The following BUD13 variants were observed in gnomAD, a reference collection of about 807,000 sequenced individuals.
BUD13 encodes the protein BUD13 spliceosome associated protein, also known as BUD13 homolog.
BUD13 carries 47 observed loss-of-function variants against 62.5 expected under a neutral mutation model. That is an observed-to-expected ratio of 0.75 (90% CI 0.60 to 0.96). The LOEUF is 0.96. Ranked by LOEUF, BUD13 falls within the 40% of genes least tolerant of loss-of-function variation. BUD13 has a pLI of 0.00. For missense variants in BUD13, 821 were observed against 790.9 expected (o/e 1.04, Z -0.46); for synonymous variants, 293 against 280.1 (o/e 1.05, Z -0.46).
intron 6 of BUD13, 56 bp downstream of exon 6, chr11:116,759,018 T>TAAAAA: frequency 1.2e-5 from 13 of 1,082,166 alleles, no homozygotes; most frequent in South Asian, 3.0e-5. Flanking sequence ...TAAGCTAAAT[T>TAAAAA]AAAAAAAAAA....
intron 5 of BUD13, among the ~76,000 whole-genome samples, chr11:116,759,856 G>T (rs1335898066): frequency 6.6e-6 from 1 of 152,136 alleles, no homozygotes; most frequent in African/African-American, 2.4e-5. Context: ...ACCCTGCCAG[G>T]ACCAGTCTTC....
rs184652953 is a variant in BUD13, at chr11:116,769,263, A to C, written c.237+866T>G. Among the ~76,000 whole-genome samples the C allele has an allele frequency of 1.7e-3, 264 of 152,324 alleles. 1 individual carries two copies. Among genetic ancestry groups the C allele is most frequent in the Non-Finnish European group, 3.1e-3 (211 of 68,030 alleles). On this transcript the variant is annotated intron_variant, in intron 2 of 9. Coordinates refer to ENST00000260210, the MANE Select transcript of BUD13 (RefSeq NM_032725.4). ...TTCAGGATATCTCCCAACAGAATAC[A>C]AAGTATGCTACCTCCCCGGGCTCTA...
rs11216131 is a variant in BUD13 at position 116,762,864 on chromosome 11, C to A, written c.725G>T (p.Arg242Ile). The change falls in exon 4 of 10, where the codon AGA (arginine) becomes ATA (isoleucine). Residue 242 changes from arginine (R) to isoleucine (I), a missense_variant. By Grantham distance (97) the Arg-to-Ile change is moderately conservative (BLOSUM62 -3). This residue lies in a region of BUD13 where 800 missense variants were observed against 739.2 expected (regional missense o/e 1.08). Transcript: ENST00000260210. ...RHGSSDISSPRRVHNNSPDTS... is the reference protein window; with the variant it reads ...RHGSSDISSPIRVHNNSPDTS... ...GTCAGGGGAGTTGTTATGGACCCTT[C>A]TGGGGGAAGAGATATCTGAGGAACC... is the stretch of plus-strand genomic sequence containing the variant. 2.2e-3 allele frequency: 3,522 copies of A among 1,613,630 alleles called. 8 individuals carry two copies. Among genetic ancestry groups the A allele is most frequent in the Non-Finnish European group, 2.8e-3 (3,259 of 1,179,940 alleles).
intron 3 of BUD13, among the ~76,000 whole-genome samples, chr11:116,765,068 A>G (rs2187126): frequency 0.049 from 7,436 of 152,232 alleles, 256 homozygotes; most frequent in Admixed American, 0.1. Context: ...TTGCCTATAC[A>G]CCAAGTGCTC....
intron 8 of BUD13, 78 bp from the exon 9 acceptor site, chr11:116,757,305 C>T (rs954132945): frequency 1.5e-6 from 2 of 1,377,082 alleles, no homozygotes; most frequent in Non-Finnish European, 2.0e-6. Context: ...GTGGAATTTT[C>T]CTTTTTTTTT....
In BUD13 at chr11:116,772,928, G is replaced by T; in HGVS notation, c.37C>A (p.Leu13Met). 2 of 1,586,002 alleles carry T rather than the reference G, an allele frequency of 1.3e-6. No homozygotes were observed. The highest frequency in any genetic ancestry group is 8.6e-7 in the Non-Finnish European group (1 of 1,166,446). Reference protein sequence around the residue: ...AAPPLSKAEYLKRYLSGADAG... With the variant: ...AAPPLSKAEYMKRYLSGADAG... Reference sequence around the variant, plus strand: ...TCTGCCCCGGACAAGTAACGCTTCAGATACTCGGCCTTGGAAAGCGGCGGA... The same window carrying T: ...TCTGCCCCGGACAAGTAACGCTTCATATACTCGGCCTTGGAAAGCGGCGGA... The change falls in exon 1 of 10, where the codon CTG (leucine) becomes ATG (methionine). Residue 13 changes from leucine (L) to methionine (M), a missense_variant. Coordinates refer to ENST00000260210, the MANE Select transcript of BUD13 (RefSeq NM_032725.4).
chr11:116,750,604 C>T (rs2134170021), intron 9 of BUD13, among the ~76,000 whole-genome samples: 1 of 152,306 alleles, frequency 6.6e-6, no homozygotes, highest in South Asian at 2.1e-4. Context: ...TACTAACCAT[C>T]CTTACTACCA....
At chr11:116,769,280 C>T (rs934161569) in intron 2 of BUD13, among the ~76,000 whole-genome samples, 6 of 152,290 alleles carry the variant, frequency 3.9e-5, no homozygotes, top group East Asian at 3.9e-4. Flanking sequence ...GCTACCTCCC[C>T]GGGCTCTAAT....
chr11:116,762,538 C>T lies in BUD13; in HGVS notation c.1036+15G>A, dbSNP rs759134039. On this transcript the variant is annotated intron_variant, in intron 4 of 9. Transcript: ENST00000260210. ...GGGATACATACATCCCTCTCATGGACAGTCATATGCTCACCTTTGGAATCA... is the reference window on the plus strand; with the variant it reads ...GGGATACATACATCCCTCTCATGGATAGTCATATGCTCACCTTTGGAATCA... The T allele has an allele frequency of 4.5e-6, 7 of 1,566,410 alleles. No homozygotes were observed. The highest frequency in any genetic ancestry group is 6.1e-6 in the Non-Finnish European group (7 of 1,152,010).
At chr11:116,770,366 A>G in intron 1 of BUD13, 144 bp from the exon 2 acceptor site, 5 of 620,066 alleles carry the variant, frequency 8.1e-6, no homozygotes, top group Non-Finnish European at 1.3e-5. Context: ...TTCATCTCCT[A>G]CTGCTACTTC....
chr11:116,760,781 T>C lies in BUD13; in HGVS notation c.1208A>G (p.Asp403Gly). Residue 403 changes from aspartate (D) to glycine (G), a missense_variant, in exon 5 of 10, where the codon GAT (aspartate) becomes GGT (glycine). Physicochemically the swap from Asp to Gly is moderately conservative, Grantham distance 94 (BLOSUM62 -1). Around this residue, in one of 2 missense-constraint regions of BUD13, gnomAD observed 800 missense variants for 739.2 expected, o/e 1.08. Transcript: ENST00000260210. ...PRRRQRTKSS[D>G]SDLSPPRRSQ... is the part of the protein sequence containing the mutation. ...CCTTCGAGGCGGGGACAGGTCAGAA[T>C]CAGAAGATTTGGTCCTCTGTCTCCT... is the stretch of plus-strand genomic sequence containing the variant. The C allele has an allele frequency of 6.2e-7, 1 of 1,614,134 alleles. No individual in the cohort carries two copies. Among genetic ancestry groups the C allele is most frequent in the Non-Finnish European group, 8.5e-7 (1 of 1,180,020 alleles).
rs781721564 is a variant in BUD13, at chr11:116,760,894, T to C, written c.1095A>G (p.Pro365=). The C allele has an allele frequency of 5.6e-6, 9 of 1,613,988 alleles. No individual in the cohort carries two copies. Among genetic ancestry groups the C allele is most frequent in the African/African-American group, 4.0e-5 (3 of 74,894 alleles). Residue 365 remains proline, a synonymous_variant, in exon 5 of 10, where the codon CCA becomes CCG. Transcript: ENST00000260210. ...DLSSPRHKQS[P]GHQDSDSDLS... ...GATCTGAATCAGAATCCTGGTGCCC[T>C]GGACTTTGTTTATGCCGTGGAGAAG...
chr11:116,751,440 C>T (rs58928211), intron 9 of BUD13, among the ~76,000 whole-genome samples: 6,352 of 151,930 alleles, frequency 0.042, 413 homozygotes, highest in African/African-American at 0.14. Context: ...ACCAGCCTGG[C>T]CAACATGGTG....
At chr11:116,759,748 T>C (rs963767911) in intron 5 of BUD13, among the ~76,000 whole-genome samples, 14 of 152,172 alleles carry the variant, frequency 9.2e-5, no homozygotes, top group African/African-American at 3.4e-4. Flanking sequence ...ATGAACTAAA[T>C]GGATATATAA....
chr11:116,767,590 C>CAAAAAA (rs57036085), intron 2 of BUD13, among the ~76,000 whole-genome samples: 17 of 80,682 alleles, frequency 2.1e-4, no homozygotes, highest in East Asian at 3.9e-4. Flanking sequence ...GAGACTCCAC[C>CAAAAAA]AAAAAAAAAA....
intron 9 of BUD13, among the ~76,000 whole-genome samples, chr11:116,753,992 C>T (rs1940284226): frequency 6.6e-6 from 1 of 152,194 alleles, no homozygotes; most frequent in African/African-American, 2.4e-5. Flanking sequence ...GCAAAGGAAA[C>T]ATTCAGAAGA....
intron 1 of BUD13, 82 bp from the exon 2 acceptor site, chr11:116,770,304 T>G: frequency 1.6e-6 from 2 of 1,222,244 alleles, no homozygotes; most frequent in Non-Finnish European, 2.3e-6. Flanking sequence ...TAAAATAAAG[T>G]TCAAAATCCT....
intron 3 of BUD13, among the ~76,000 whole-genome samples, chr11:116,764,822 AAG>A (rs1237202734): frequency 1.3e-5 from 2 of 152,208 alleles, no homozygotes; most frequent in Non-Finnish European, 2.9e-5. Flanking sequence ...AATTTTTTTA[AAG>A]AGAGTTAAAT....
rs560234515 is a variant in BUD13, at chr11:116,760,618, A to T, written c.1254+117T>A. Reference sequence around the variant, plus strand: ...ACCTCCAAAGGTCCTTTTAACTAAGATTTACTACACTTCTCAGAGCTACAT... The same window carrying T: ...ACCTCCAAAGGTCCTTTTAACTAAGTTTTACTACACTTCTCAGAGCTACAT... On this transcript the variant is annotated intron_variant, in intron 5 of 9. Coordinates refer to ENST00000260210, the MANE Select transcript of BUD13 (RefSeq NM_032725.4). 1.2e-4 allele frequency: 148 copies of T among 1,202,576 alleles called. No homozygotes were observed. The Admixed American group carries it at 1.3e-3, about 11-fold the overall frequency. The allele number at this position is 1,202,576 out of a possible 1,614,324, so 74.5% of individuals were successfully genotyped here.
Sources: allele counts gnomAD v4.1 joint callset (sites outside exome capture counted in the v4.1 genomes callset), GRCh38; gene constraint gnomAD v4.1.1; regional missense constraint gnomAD v4.1.1; transcripts MANE v1.5; gene names NCBI Gene and HGNC (gene_info 2026-07-23, HGNC 2026-07-21).